Variants in ESRRB observed in about 807,000 individuals in gnomAD.
ESRRB encodes the protein estrogen related receptor beta.
In ESRRB, 16 loss-of-function variants were observed where a neutral mutation model predicts 46.0. The ratio of observed to expected loss-of-function variants is 0.35; its 90% CI spans 0.24 to 0.53. The LOEUF (loss-of-function observed/expected upper bound fraction) is 0.53, where lower values mean the gene tolerates loss of function less well. Among genes scored for constraint, ESRRB ranks in the 20% least tolerant of loss-of-function variants. The probability of loss-of-function intolerance (pLI) is 0.93; values close to 1 mark genes in which losing one functional copy is unlikely to be tolerated. For synonymous variants in ESRRB, 246 were observed against 259.6 expected (o/e 0.95, Z 0.50); for missense variants, 488 against 607.4 (o/e 0.80, Z 2.07).
chr14:76,393,969 T>TA (rs1885570864), intron 1 of ESRRB, among the ~76,000 whole-genome samples: 1 of 120,918 alleles, frequency 8.3e-6, no homozygotes, highest in Non-Finnish European at 1.9e-5. Flanking sequence ...CCTGGCTAAT[T>TA]TTTTTTTTTT....
chr14:76,447,077 A>T (rs1888177637), intron 2 of ESRRB, among the ~76,000 whole-genome samples: 1 of 152,046 alleles, frequency 6.6e-6, no homozygotes, highest in South Asian at 2.1e-4. Context: ...GCTTCCGTTC[A>T]CTGATTCCGC....
chr14:76,374,115 A>T (rs1032857016), upstream of ESRRB, among the ~76,000 whole-genome samples: 2 of 152,066 alleles, frequency 1.3e-5, no homozygotes, highest in Non-Finnish European at 2.9e-5. Flanking sequence ...GTGGCACCCC[A>T]CTCCAAACTC....
At position 76,360,507 on chromosome 14, in the gene ESRRB, A is replaced by G. The variant is rs571495774; in HGVS notation, c.2+49591A>G. Reference sequence around the variant, plus strand: ...ACCCATGAAATCAAGTAGGCAAGAGAGAGCACTGGGCAAGTATGCAAACCT... The same window carrying G: ...ACCCATGAAATCAAGTAGGCAAGAGGGAGCACTGGGCAAGTATGCAAACCT... On this transcript the variant is annotated intron_variant, in intron 1 of 6. Coordinates refer to the ESRRB transcript ENST00000512784. Among the ~76,000 whole-genome samples, 25 of 152,314 alleles carry G rather than the reference A, an allele frequency of 1.6e-4. No individual in the cohort carries two copies. The South Asian group carries it at 5.2e-3, about 32-fold the overall frequency.
In ESRRB at chr14:76,494,375, C is replaced by G. The variant is rs534110525; in HGVS notation, c.1120+2659C>G. 3.4e-3 allele frequency among the ~76,000 whole-genome samples: 506 copies of G among 149,460 alleles called. 1 individual carries two copies. Among genetic ancestry groups the G allele is most frequent in the Non-Finnish European group, 5.5e-3 (372 of 67,730 alleles). On this transcript the variant is annotated intron_variant, in intron 6 of 6. Coordinates refer to ENST00000644823, the MANE Select transcript of ESRRB (RefSeq NM_001379180.1). ...AGGCTGGAATGCAGTGGTGCAATCT[C>G]GGCCCACTGCAACCTCCGCCTCCTG...
intron 1 of ESRRB, among the ~76,000 whole-genome samples, chr14:76,399,439 AGGAGGCT>A (rs1885840948): frequency 6.6e-6 from 1 of 152,134 alleles, no homozygotes; most frequent in African/African-American, 2.4e-5. Flanking sequence ...TGTGCACTCC[AGGAGGCT>A]TCCTAGCAAT....
At chr14:76,356,503 C>G (rs1292910580) in intron 1 of ESRRB, among the ~76,000 whole-genome samples, 1 of 152,164 alleles carries the variant, frequency 6.6e-6, no homozygotes, top group Non-Finnish European at 1.5e-5. Context: ...TCTAGGATGA[C>G]AGAACGAACA....
Position 76,439,374 on chromosome 14 carries a change from C to T in ESRRB, c.84C>T (p.His28=). The change falls in exon 2 of 7, where the codon CAC becomes CAT. Residue 28 remains histidine, a synonymous_variant. Coordinates refer to ENST00000644823, the MANE Select transcript of ESRRB (RefSeq NM_001379180.1). Reference sequence around the variant, plus strand: ...ACAGGATGTCCTCGGACGACAGGCACCTGGGCTCCAGCTGCGGCTCCTTCA... The same window carrying T: ...ACAGGATGTCCTCGGACGACAGGCATCTGGGCTCCAGCTGCGGCTCCTTCA... ...LLNRMSSDDR[H]LGSSCGSFIK... is the part of the protein sequence containing the mutation. 4 of 1,613,708 alleles carry T rather than the reference C, an allele frequency of 2.5e-6. No homozygotes were observed. Among genetic ancestry groups the T allele is most frequent in the Non-Finnish European group, 3.4e-6 (4 of 1,180,050 alleles).
intron 1 of ESRRB, among the ~76,000 whole-genome samples, chr14:76,416,675 G>A (rs1886718356): frequency 6.6e-6 from 1 of 151,554 alleles, no homozygotes; most frequent in Non-Finnish European, 1.5e-5. Flanking sequence ...CACCATGTTG[G>A]CCAGGCTGGT....
chr14:76,479,254 T>C (rs7152415), intron 3 of ESRRB, among the ~76,000 whole-genome samples: 26,662 of 98,926 alleles, frequency 0.27, 2,431 homozygotes, highest in South Asian at 0.34. Context: ...TGCGTGCGTG[T>C]GTGTGTGTGT....
At chr14:76,411,047 G>T (rs1372810670) in intron 1 of ESRRB, among the ~76,000 whole-genome samples, 1 of 151,402 alleles carries the variant, frequency 6.6e-6, no homozygotes, top group Admixed American at 6.6e-5. Flanking sequence ...GCCTCCCAAA[G>T]TGCTGGGATT....
intron 1 of ESRRB, among the ~76,000 whole-genome samples, chr14:76,431,871 C>T (rs1373441502): frequency 6.6e-6 from 1 of 152,174 alleles, no homozygotes; most frequent in African/African-American, 2.4e-5. Context: ...GGTCAGCTGC[C>T]TCCTGCCTCA....
At chr14:76,478,335 A>G (rs962815061) in intron 3 of ESRRB, among the ~76,000 whole-genome samples, 2 of 152,182 alleles carry the variant, frequency 1.3e-5, no homozygotes, top group African/African-American at 2.4e-5. Flanking sequence ...CTGAACATCC[A>G]TGAAAGGTCA....
At chr14:76,418,038 C>T (rs754105654) in intron 1 of ESRRB, among the ~76,000 whole-genome samples, 13 of 150,606 alleles carry the variant, frequency 8.6e-5, no homozygotes, top group Non-Finnish European at 1.3e-4. Context: ...CCACTGCAAC[C>T]TCTGCCTCCC....
upstream of ESRRB, among the ~76,000 whole-genome samples, chr14:76,374,708 C>A (rs1884704215): frequency 6.6e-6 from 1 of 152,072 alleles, no homozygotes; most frequent in Admixed American, 6.5e-5. Context: ...TGATGAAGTA[C>A]CTATGTGATT....
chr14:76,366,232 A>G (rs1884520748), intron 1 of ESRRB, among the ~76,000 whole-genome samples: 1 of 152,224 alleles, frequency 6.6e-6, no homozygotes, highest in South Asian at 2.1e-4. Flanking sequence ...AAACTCCTGT[A>G]AAAGATTTTC....
chr14:76,499,530 TC>T lies in ESRRB; in HGVS notation c.*1074del, dbSNP rs1441634944. ...TCAGCGGGGTGGCCTGCCTCATCCT[TC>T]CTGGCTTCCCTTCCCTGCACTCAGC... On this transcript the variant is annotated 3_prime_UTR_variant, in exon 7 of 7. Transcript: ENST00000644823. The T allele has an allele frequency of 2.4e-6, 1 of 422,620 alleles. No homozygotes were observed. The highest frequency in any genetic ancestry group is 2.0e-5 in the African/African-American group (1 of 49,512). The allele number at this position is 422,620 out of a possible 1,614,324, so 26.2% of individuals were successfully genotyped here.
At chr14:76,360,222 T>C (rs1476310447) in intron 1 of ESRRB, among the ~76,000 whole-genome samples, 2 of 152,100 alleles carry the variant, frequency 1.3e-5, no homozygotes, top group Non-Finnish European at 2.9e-5. Context: ...GTCCAGCGTG[T>C]TGTATGGAGG....
rs1183030341 is a variant in ESRRB, at chr14:76,453,777, A to AT, written c.461-8762dup. 5.3e-5 allele frequency among the ~76,000 whole-genome samples: 8 copies of AT among 151,874 alleles called. No homozygotes were observed. The South Asian group carries it at 1.0e-3, about 20-fold the overall frequency. ...AGGGGCATGCCACCACACTCGGCTA[A>AT]TTTTTTGTATTTTTGGTAGAGATGG... On this transcript the variant is annotated intron_variant, in intron 2 of 6. Transcript: ENST00000644823.
intron 1 of ESRRB, among the ~76,000 whole-genome samples, chr14:76,402,200 A>G (rs1414233271): frequency 1.3e-5 from 2 of 152,182 alleles, no homozygotes; most frequent in Non-Finnish European, 2.9e-5. Context: ...ATCCAAAAAC[A>G]CCCTCATGGA....
Sources: gnomAD v4.1 joint callset for allele counts (sites outside exome capture counted in the v4.1 genomes callset) on GRCh38, gnomAD v4.1.1 for gene constraint, MANE v1.5 for transcripts, NCBI Gene and HGNC (gene_info 2026-07-23, HGNC 2026-07-21) for gene names.